ATP1B3: variants seen among roughly 807,000 people sequenced by gnomAD.
ATP1B3 encodes the protein ATPase Na+/K+ transporting subunit beta 3.
Under a neutral mutation model 30.2 loss-of-function variants are expected in ATP1B3, and 10 were observed. That is an observed-to-expected ratio of 0.33 (90% confidence interval 0.20 to 0.56). ATP1B3 has a LOEUF of 0.56. Ranked by LOEUF, ATP1B3 falls within the 20% of genes least tolerant of loss-of-function variation. The probability of loss-of-function intolerance (pLI) is 0.90; values close to 1 mark genes in which losing one functional copy is unlikely to be tolerated. For missense variants in ATP1B3, 238 were observed against 336.7 expected (o/e 0.71, Z 2.29); for synonymous variants, 113 against 117.0 (o/e 0.97, Z 0.22).
chr3:141,911,826 A>G (rs904596803), intron 3 of ATP1B3, among the ~76,000 whole-genome samples: 19 of 152,040 alleles, frequency 1.2e-4, no homozygotes, highest in African/African-American at 4.8e-5. Context: ...CGTTCTTCAG[A>G]TGCATAGGGC....
intron 5 of ATP1B3, 134 bp downstream of exon 5, chr3:141,916,154 TCCA>T (rs1934458040): frequency 2.9e-6 from 2 of 692,932 alleles, no homozygotes; most frequent in South Asian, 2.0e-5. Context: ...AGAATAAAAT[TCCA>T]CCAACCGTAG....
At chr3:141,893,019 C>A (rs1476186796) in intron 1 of ATP1B3, among the ~76,000 whole-genome samples, 1 of 151,952 alleles carries the variant, frequency 6.6e-6, no homozygotes, top group Non-Finnish European at 1.5e-5. Flanking sequence ...TTCCTCTTGG[C>A]CTTAGTTTTT....
At chr3:141,908,843 T>C (rs915596682) in intron 3 of ATP1B3, among the ~76,000 whole-genome samples, 6 of 152,166 alleles carry the variant, frequency 3.9e-5, no homozygotes, top group Admixed American at 6.5e-5. Context: ...AGATGGGAGC[T>C]CCTCCAGTTT....
chr3:141,882,508 G>A (rs531985833), intron 1 of ATP1B3, among the ~76,000 whole-genome samples: 181 of 152,222 alleles, frequency 1.2e-3, no homozygotes, highest in South Asian at 4.4e-3. Context: ...ACTTCCTGTT[G>A]AATTTATCTA....
At chr3:141,877,781 G>A (rs910589688) in intron 1 of ATP1B3, among the ~76,000 whole-genome samples, 1 of 150,338 alleles carries the variant, frequency 6.7e-6, no homozygotes, top group African/African-American at 2.4e-5. Context: ...AGTAGCTTTA[G>A]GATGCCTTTT....
Position 141,925,626 on chromosome 3 carries a change from A to G in ATP1B3, c.765A>G (p.Ser255=). Residue 255 remains serine (S), a synonymous_variant, in exon 7 of 7, where the codon TCA becomes TCG. Coordinates refer to ENST00000286371, the MANE Select transcript of ATP1B3 (RefSeq NM_001679.4). The part of the protein sequence containing the change: ...EVTVECKIDG[S]ANLKSQDDRD... Reference sequence around the variant, plus strand: ...CAGTTGAGTGCAAGATTGATGGATCAGCCAACCTAAAAAGTCAGGATGATC... The same window carrying G: ...CAGTTGAGTGCAAGATTGATGGATCGGCCAACCTAAAAAGTCAGGATGATC... The G allele has an allele frequency of 1.2e-6, 2 of 1,613,574 alleles. No homozygotes were observed. Among genetic ancestry groups the G allele is most frequent in the African/African-American group, 2.7e-5 (2 of 75,054 alleles).
chr3:141,878,816 T>C (rs888790009), intron 1 of ATP1B3, among the ~76,000 whole-genome samples: 2 of 152,192 alleles, frequency 1.3e-5, no homozygotes, highest in Admixed American at 1.3e-4. Flanking sequence ...GAATGGCATA[T>C]ATAGGTGAAA....
At chr3:141,900,607 C>A (rs1414736499) in intron 1 of ATP1B3, among the ~76,000 whole-genome samples, 1 of 152,106 alleles carries the variant, frequency 6.6e-6, no homozygotes, top group African/African-American at 2.4e-5. Context: ...GGGAGGACCT[C>A]TGCAGCAGCA....
intron 3 of ATP1B3, 64 bp downstream of exon 3, chr3:141,907,338 G>A: frequency 5.1e-6 from 7 of 1,371,096 alleles, no homozygotes; most frequent in Non-Finnish European, 7.1e-6. Flanking sequence ...CCAAATTGTG[G>A]GCCGGGCACG....
chr3:141,896,386 T>G (rs1293501876), intron 1 of ATP1B3, among the ~76,000 whole-genome samples: 1 of 151,698 alleles, frequency 6.6e-6, no homozygotes, highest in Non-Finnish European at 1.5e-5. Context: ...CTGGGCACGG[T>G]GGTATGTGCC....
At chr3:141,883,025 T>C (rs1341772893) in intron 1 of ATP1B3, among the ~76,000 whole-genome samples, 1 of 152,248 alleles carries the variant, frequency 6.6e-6, no homozygotes, top group African/African-American at 2.4e-5. Flanking sequence ...AAAATCTCAG[T>C]GGCTTACTTC....
intron 1 of ATP1B3, among the ~76,000 whole-genome samples, chr3:141,885,069 C>A (rs1933802551): frequency 6.6e-6 from 1 of 152,006 alleles, no homozygotes; most frequent in South Asian, 2.1e-4. Flanking sequence ...AGCTCGTTTC[C>A]CTTCCTTCCC....
intron 4 of ATP1B3, among the ~76,000 whole-genome samples, chr3:141,915,540 G>C (rs1410255077): frequency 2.6e-5 from 4 of 152,186 alleles, no homozygotes; most frequent in Non-Finnish European, 5.9e-5. Context: ...AGGCTCAGTG[G>C]GGCCCTCATG....
chr3:141,896,446 A>C (rs925127321), intron 1 of ATP1B3, among the ~76,000 whole-genome samples: 1 of 152,184 alleles, frequency 6.6e-6, no homozygotes, highest in African/African-American at 2.4e-5. Flanking sequence ...GCTTGAGCCC[A>C]GGAGTTTGAG....
chr3:141,907,406 G>A (rs1934282902), intron 3 of ATP1B3, 132 bp downstream of exon 3: 3 of 573,632 alleles, frequency 5.2e-6, no homozygotes, highest in Non-Finnish European at 8.6e-6. Context: ...GATCACCTGA[G>A]GTTAGGAGCC....
intron 1 of ATP1B3, among the ~76,000 whole-genome samples, chr3:141,894,538 C>A (rs1264272171): frequency 6.6e-6 from 1 of 152,108 alleles, no homozygotes; most frequent in African/African-American, 2.4e-5. Context: ...TCTTTATATC[C>A]TTATTCTATA....
At chr3:141,897,356 T>A (rs2115935) in intron 1 of ATP1B3, among the ~76,000 whole-genome samples, 1 of 152,174 alleles carries the variant, frequency 6.6e-6, no homozygotes, top group East Asian at 1.9e-4. Flanking sequence ...GTTTACATAT[T>A]TGTCATTTGT....
intron 1 of ATP1B3, among the ~76,000 whole-genome samples, chr3:141,878,691 G>T (rs770222311): frequency 6.6e-6 from 1 of 152,214 alleles, no homozygotes; most frequent in Non-Finnish European, 1.5e-5. Context: ...TGTAAAACTA[G>T]TACAAGTGAA....
intron 1 of ATP1B3, among the ~76,000 whole-genome samples, chr3:141,894,967 G>A (rs1934033198): frequency 6.6e-6 from 1 of 152,054 alleles, no homozygotes; most frequent in Non-Finnish European, 1.5e-5. Context: ...CTACAGACAC[G>A]TGAGTAATGC....
Sources: allele counts gnomAD v4.1 joint callset (sites outside exome capture counted in the v4.1 genomes callset), GRCh38; gene constraint gnomAD v4.1.1; transcripts MANE v1.5; gene names NCBI Gene and HGNC (gene_info 2026-07-23, HGNC 2026-07-21).